LRRC4B: variants seen among roughly 807,000 people sequenced by gnomAD.
The protein encoded by LRRC4B is leucine rich repeat containing 4B, also known as leucine-rich repeat-containing protein 4B.
Under a neutral mutation model 7.3 loss-of-function variants are expected in LRRC4B, and 1 was observed. The ratio of observed to expected loss-of-function variants is 0.14; its 90% CI spans 0.05 to 0.65. The LOEUF (loss-of-function observed/expected upper bound fraction) is 0.65. Ranked by LOEUF, LRRC4B falls within the 30% of genes least tolerant of loss-of-function variation. LRRC4B has a pLI of 0.84. For synonymous variants in LRRC4B, 500 were observed against 499.2 expected, an observed-to-expected ratio of 1.00 and a Z score of -0.02; for missense variants, 730 against 1,041.6, an observed-to-expected ratio of 0.70 and a Z score of 4.12.
rs761524693 is a variant in LRRC4B, at chr19:50,519,158, C to G, written c.555G>C (p.Arg185=). Reference sequence around the variant, plus strand: ...GCTTGAGCTCGCCCAGGTCCAGGCGCCGCAGCGAGGGCACGCGGTTGAAGG... The same window carrying G: ...GCTTGAGCTCGCCCAGGTCCAGGCGGCGCAGCGAGGGCACGCGGTTGAAGG... ...SYAFNRVPSL[R]RLDLGELKRL... Residue 185 remains arginine (R), a synonymous_variant, in exon 3 of 3, where the codon CGG becomes CGC. Transcript: ENST00000652263. The surrounding 1 kb of genome is among the most constrained non-coding windows in gnomAD (Gnocchi z 8.1). The G allele has an allele frequency of 1.2e-6, 2 of 1,613,422 alleles. No homozygotes were observed. Among genetic ancestry groups the G allele is most frequent in the Admixed American group, 1.7e-5 (1 of 59,988 alleles).
At chr19:50,522,133 G>A (rs148510437) in intron 2 of LRRC4B, among the ~76,000 whole-genome samples, 309 of 152,136 alleles carry the variant, frequency 2.0e-3, no homozygotes, top group African/African-American at 6.9e-3. Flanking sequence ...AACTGTGATC[G>A]TGCCACTGAG....
chr19:50,518,401 C>T lies in LRRC4B; in HGVS notation c.1312G>A (p.Val438Met). 6.3e-7 allele frequency: 1 copy of T among 1,579,978 alleles called. No individual in the cohort carries two copies. The highest frequency in any genetic ancestry group is 8.6e-7 in the Non-Finnish European group (1 of 1,165,644). ...VQDTGQYTCM[V>M]TNSAGNTTAS... Reference sequence around the variant, plus strand: ...GTGGTGTTGCCGGCTGAGTTCGTCACCATGCACGTGTACTGGCCCGTGTCC... The same window carrying T: ...GTGGTGTTGCCGGCTGAGTTCGTCATCATGCACGTGTACTGGCCCGTGTCC... Residue 438 changes from valine (V) to methionine (M), a missense_variant, in exon 3 of 3, where the codon GTG becomes ATG. Val to Met is a conservative substitution (Grantham distance 21, BLOSUM62 1). Coordinates refer to ENST00000652263, the MANE Select transcript of LRRC4B (RefSeq NM_001080457.2).
intron 2 of LRRC4B, among the ~76,000 whole-genome samples, chr19:50,539,277 CAG>C (rs1981439633): frequency 1.3e-5 from 2 of 152,162 alleles, no homozygotes; most frequent in African/African-American, 4.8e-5. Context: ...CAGGGTGGGA[CAG>C]ACATATATAC....
At chr19:50,550,267 C>A (rs1599780862) in intron 1 of LRRC4B, among the ~76,000 whole-genome samples, 1 of 152,104 alleles carries the variant, frequency 6.6e-6, no homozygotes, top group African/African-American at 2.4e-5. Context: ...CCCTCTGGCT[C>A]CCAGCTCTCC....
intron 2 of LRRC4B, among the ~76,000 whole-genome samples, chr19:50,533,702 C>T (rs186575358): frequency 1.9e-3 from 285 of 152,276 alleles, no homozygotes; most frequent in African/African-American, 5.8e-3. Context: ...TGTTAACTGC[C>T]GATTATTGCC....
At position 50,519,269 on chromosome 19, in the gene LRRC4B, C is replaced by A; in HGVS notation, c.444G>T (p.Thr148=). 6.2e-7 allele frequency: 1 copy of A among 1,614,076 alleles called. No homozygotes were observed. The highest frequency in any genetic ancestry group is 1.3e-5 in the African/African-American group (1 of 75,050). Residue 148 remains threonine, a synonymous_variant, in exon 3 of 3, where the codon ACG becomes ACT. Coordinates refer to ENST00000652263, the MANE Select transcript of LRRC4B (RefSeq NM_001080457.2). This position sits in a 1 kb window ranked among gnomAD's most constrained non-coding sequence, Gnocchi z 8.1. ...GGTACTCGAAGGCCTGCGTGGGCAC[C>A]GTGGTCAGCCGGTTGTCAAAAAGCT... The part of the protein sequence containing the change: ...TLELFDNRLT[T]VPTQAFEYLS...
intron 1 of LRRC4B, among the ~76,000 whole-genome samples, chr19:50,559,138 A>T (rs1982382410): frequency 1.3e-5 from 2 of 152,162 alleles, no homozygotes; most frequent in African/African-American, 4.8e-5. Context: ...AAAAAGAAAA[A>T]GAAAAAGAAA....
In LRRC4B at chr19:50,537,268, C is replaced by G. The variant is rs995158135; in HGVS notation, c.297+11274G>C. Reference sequence around the variant, plus strand: ...GACCGTTTGCAAGTGTCTTAACTCTCCTATGCCTCAGTTTCCTCATCTGTA... The same window carrying G: ...GACCGTTTGCAAGTGTCTTAACTCTGCTATGCCTCAGTTTCCTCATCTGTA... On this transcript the variant is annotated intron_variant, in intron 2 of 2. Transcript: ENST00000652263. This position sits in a 1 kb window ranked among gnomAD's most constrained non-coding sequence, Gnocchi z 5.5. 6.6e-6 allele frequency among the ~76,000 whole-genome samples: 1 copy of G among 152,196 alleles called. No individual in the cohort carries two copies. The highest frequency in any genetic ancestry group is 1.5e-5 in the Non-Finnish European group (1 of 68,030).
At position 50,548,573 on chromosome 19, in the gene LRRC4B, C is replaced by A; in HGVS notation, c.266G>T (p.Arg89Leu). Residue 89 changes from arginine to leucine, a missense_variant, in exon 2 of 3, where the codon CGG becomes CTG. Arg to Leu is a moderately radical substitution (Grantham distance 102). Around this residue, in one of 6 missense-constraint regions of LRRC4B, gnomAD observed 143 missense variants for 158.4 expected, o/e 0.90. Coordinates refer to ENST00000652263, the MANE Select transcript of LRRC4B (RefSeq NM_001080457.2). The surrounding 1 kb of genome is among the most constrained non-coding windows in gnomAD (Gnocchi z 6.8). ...GCCGTTCTCTTGCAGGTTCAGGTAC[C>A]GCGTGTTGACCGGGATGCTGGCTGG... ...EVPASIPVNT[R>L]YLNLQENGIQ... 6.2e-7 allele frequency: 1 copy of A among 1,601,558 alleles called. No individual in the cohort carries two copies.
rs141917250 is a variant in LRRC4B, at chr19:50,526,580, C to T, written c.298-7165G>A. 5.7e-4 allele frequency among the ~76,000 whole-genome samples: 87 copies of T among 152,130 alleles called. No individual in the cohort carries two copies. In the East Asian group the frequency reaches 0.014, roughly 24 times the overall value. The stretch of plus-strand genomic sequence containing the variant: ...GACGAAGGATAGGCGCAGTGGCTTA[C>T]GCCTGTAATCCCAGCACTTTGGGAG... On this transcript the variant is annotated intron_variant, in intron 2 of 2. Coordinates refer to ENST00000652263, the MANE Select transcript of LRRC4B (RefSeq NM_001080457.2).
chr19:50,518,585 G>T lies in LRRC4B; in HGVS notation c.1128C>A (p.Thr376=). 6.3e-7 allele frequency: 1 copy of T among 1,595,398 alleles called. No homozygotes were observed. The highest frequency in any genetic ancestry group is 2.2e-5 in the East Asian group (1 of 44,588). The change falls in exon 3 of 3, where the codon ACC becomes ACA. Residue 376 remains threonine, a synonymous_variant. Coordinates refer to ENST00000652263, the MANE Select transcript of LRRC4B (RefSeq NM_001080457.2). ...IVEPPTDLNV[T]EGMAAELKCR... ...ATTTGAGCTCGGCAGCCATGCCCTC[G>T]GTGACGTTGAGGTCCGTGGGCGGCT...
chr19:50,564,475 G>T (rs1011093925), intron 1 of LRRC4B, among the ~76,000 whole-genome samples: 2 of 151,970 alleles, frequency 1.3e-5, no homozygotes, highest in African/African-American at 4.8e-5. Flanking sequence ...GGCACAGAGA[G>T]CGGTGTCGAG....
intron 1 of LRRC4B, among the ~76,000 whole-genome samples, chr19:50,557,065 A>T (rs1450768321): frequency 6.6e-6 from 1 of 151,904 alleles, no homozygotes; most frequent in Non-Finnish European, 1.5e-5. Flanking sequence ...GAGGCCAGGG[A>T]GGAGCTGCGC....
Position 50,518,314 on chromosome 19 carries a change from C to T in LRRC4B, c.1399G>A (p.Gly467Ser), listed in dbSNP as rs986886588. ...CCACTGCCCCCAGGGCCGCCCCCGC[C>T]GCTGCCGGTGCCCCCGGCCGCCACG... The part of the protein sequence containing the change: ...DPVAAGGTGS[G>S]GGGPGGSGGV... The change falls in exon 3 of 3, where the codon GGC (glycine) becomes AGC (serine). Residue 467 changes from glycine (G) to serine (S), a missense_variant. Physicochemically the swap from Gly to Ser is moderately conservative, Grantham distance 56 (BLOSUM62 0). Around this residue, in one of 6 missense-constraint regions of LRRC4B, gnomAD observed 192 missense variants for 228.6 expected, o/e 0.84. Transcript: ENST00000652263. 48 of 1,605,418 alleles carry T rather than the reference C, an allele frequency of 3.0e-5. No homozygotes were observed. Among genetic ancestry groups the T allele is most frequent in the Non-Finnish European group, 3.7e-5 (44 of 1,176,874 alleles).
rs564412892 is a variant in LRRC4B at position 50,535,148 on chromosome 19, G to A, written c.297+13394C>T. 8.5e-4 allele frequency among the ~76,000 whole-genome samples: 129 copies of A among 152,028 alleles called. 1 individual carries two copies. The highest frequency in any genetic ancestry group is 1.9e-3 in the South Asian group (9 of 4,824). ...CTCCCAAAGTGCTGGGATTACAGGC[G>A]TGACCCACCACGCCCGGCCTGTTTA... On this transcript the variant is annotated intron_variant, in intron 2 of 2. Coordinates refer to ENST00000652263, the MANE Select transcript of LRRC4B (RefSeq NM_001080457.2).
chr19:50,557,177 C>T (rs1410093999), intron 1 of LRRC4B, among the ~76,000 whole-genome samples: 2 of 152,132 alleles, frequency 1.3e-5, no homozygotes, highest in African/African-American at 4.8e-5. Context: ...GTGGCAGAAC[C>T]TGGAGGCGGT....
intron 1 of LRRC4B, among the ~76,000 whole-genome samples, chr19:50,549,438 T>C (rs1981959763): frequency 6.6e-6 from 1 of 151,926 alleles, no homozygotes; most frequent in East Asian, 1.9e-4. Context: ...CCAGGGATGT[T>C]AGCGAAGAGA....
chr19:50,564,197 C>T (rs1982555860), intron 1 of LRRC4B, among the ~76,000 whole-genome samples: 1 of 152,052 alleles, frequency 6.6e-6, no homozygotes, highest in Non-Finnish European at 1.5e-5. Context: ...CCACAGTTAT[C>T]CAGGGGGAAG....
At chr19:50,528,247 C>G (rs1348750390) in intron 2 of LRRC4B, among the ~76,000 whole-genome samples, 3 of 151,922 alleles carry the variant, frequency 2.0e-5, no homozygotes, top group Non-Finnish European at 4.4e-5. Flanking sequence ...TGCTGTGTTG[C>G]CCAGCCTGGT....
Sources: allele counts gnomAD v4.1 joint callset (sites outside exome capture counted in the v4.1 genomes callset), GRCh38; gene constraint gnomAD v4.1.1; regional missense constraint gnomAD v4.1.1; non-coding constraint Gnocchi (gnomAD v3.1); transcripts MANE v1.5; gene names NCBI Gene and HGNC (gene_info 2026-07-23, HGNC 2026-07-21).